APPL2: variants seen among roughly 807,000 people sequenced by gnomAD.
APPL2 encodes DCC-interacting protein 13-beta.
APPL2 carries 84 observed loss-of-function variants against 92.7 expected under a neutral mutation model. That is an observed-to-expected ratio of 0.91 (90% CI 0.76 to 1.09). The LOEUF (loss-of-function observed/expected upper bound fraction) is 1.09. APPL2 is among the 50% of genes least tolerant of loss of function. The pLI is 0.00. For synonymous variants in APPL2, 291 were observed against 291.0 expected, an observed-to-expected ratio of 1.00 and a Z score of 0.00; for missense variants, 736 against 824.5, an observed-to-expected ratio of 0.89 and a Z score of 1.31.
chr12:105,174,210 C>CA lies in APPL2; in HGVS notation c.*103dup, dbSNP rs1221093706. On this transcript the variant is annotated 3_prime_UTR_variant, in exon 21 of 21. Transcript: ENST00000258530. Reference sequence around the variant, plus strand: ...AAGATTACATTCCACAAACGATTGTCAGCCTTCGGAAATCAGGTCAGTGTG... The same window carrying CA: ...AAGATTACATTCCACAAACGATTGTCAAGCCTTCGGAAATCAGGTCAGTGTG... 2 of 1,392,158 alleles carry CA rather than the reference C, an allele frequency of 1.4e-6. No individual in the cohort carries two copies. Among genetic ancestry groups the CA allele is most frequent in the Admixed American group, 4.7e-5 (2 of 42,236 alleles). 86.2% of individuals were successfully genotyped at this position (1,392,158 alleles called of 1,614,324 possible).
intron 5 of APPL2, among the ~76,000 whole-genome samples, chr12:105,209,563 T>C (rs759364001): frequency 1.3e-5 from 2 of 152,180 alleles, no homozygotes; most frequent in Non-Finnish European, 2.9e-5. Flanking sequence ...ACATAGGTCT[T>C]AGGAGATGAT....
At chr12:105,186,803 T>C (rs1886776691) in intron 17 of APPL2, among the ~76,000 whole-genome samples, 1 of 151,108 alleles carries the variant, frequency 6.6e-6, no homozygotes, top group Non-Finnish European at 1.5e-5. Context: ...TGGAGTGACA[T>C]ATCTCATTGT....
Position 105,229,108 on chromosome 12 carries a change from G to A in APPL2, c.153+17C>T, listed in dbSNP as rs927832930. 5 of 1,603,824 alleles carry A rather than the reference G, an allele frequency of 3.1e-6. No individual in the cohort carries two copies. The African/African-American group carries it at 6.7e-5, about 21-fold the overall frequency. ...AATGCCCACTCTGCGGTATCCAGGT[G>A]AGGGGTGGCAGCATACCTGGGCTCC... is the stretch of plus-strand genomic sequence containing the variant. On this transcript the variant is annotated intron_variant, in intron 2 of 20. Transcript: ENST00000258530.
At chr12:105,226,568 C>T (rs562488205) in intron 2 of APPL2, among the ~76,000 whole-genome samples, 32 of 152,284 alleles carry the variant, frequency 2.1e-4, no homozygotes, top group African/African-American at 7.7e-4. Context: ...TGACAGACAC[C>T]GAAAGGCAGA....
At chr12:105,200,237 C>T (rs1888042963) in intron 9 of APPL2, among the ~76,000 whole-genome samples, 1 of 152,214 alleles carries the variant, frequency 6.6e-6, no homozygotes, top group Admixed American at 6.5e-5. Flanking sequence ...TCCAGGGCTG[C>T]TCACACAGGC....
At chr12:105,217,261 A>G (rs1402068487) in intron 3 of APPL2, 121 bp from the exon 4 acceptor site, 3 of 640,198 alleles carry the variant, frequency 4.7e-6, no homozygotes, top group Non-Finnish European at 8.1e-6. Flanking sequence ...AGCACGTCCT[A>G]TCAGAAGTGT....
chr12:105,216,155 G>C (rs1186905636), intron 4 of APPL2, among the ~76,000 whole-genome samples: 1 of 152,044 alleles, frequency 6.6e-6, no homozygotes, highest in Non-Finnish European at 1.5e-5. Flanking sequence ...ATAATACCTG[G>C]TTTCGTTTTT....
chr12:105,179,333 T>C (rs1176241125), intron 17 of APPL2, among the ~76,000 whole-genome samples: 1 of 152,236 alleles, frequency 6.6e-6, no homozygotes, highest in Non-Finnish European at 1.5e-5. Flanking sequence ...TTTTTATGGC[T>C]GCATAGTATT....
At chr12:105,205,398 G>A (rs1393729022) in intron 8 of APPL2, among the ~76,000 whole-genome samples, 1 of 152,194 alleles carries the variant, frequency 6.6e-6, no homozygotes, top group Admixed American at 6.5e-5. Context: ...GTGCTCTGCT[G>A]TTCCCCCAGA....
chr12:105,195,897 A>G (rs540342354), intron 11 of APPL2, among the ~76,000 whole-genome samples: 1 of 152,162 alleles, frequency 6.6e-6, no homozygotes, highest in Non-Finnish European at 1.5e-5. Flanking sequence ...TCTACAAAAA[A>G]TACAAAAATT....
chr12:105,174,986 C>T (rs1455148614), intron 20 of APPL2, among the ~76,000 whole-genome samples: 2 of 151,506 alleles, frequency 1.3e-5, no homozygotes, highest in African/African-American at 2.4e-5. Context: ...CCGGTTCAAA[C>T]GATTCTTGTG....
At chr12:105,185,934 C>T (rs183889133) in intron 17 of APPL2, among the ~76,000 whole-genome samples, 201 of 152,266 alleles carry the variant, frequency 1.3e-3, no homozygotes, top group African/African-American at 4.6e-3. Flanking sequence ...AGCAGTTACT[C>T]ATTCCTCCTC....
At chr12:105,230,129 A>G (rs898049372) in intron 1 of APPL2, among the ~76,000 whole-genome samples, 16 of 152,134 alleles carry the variant, frequency 1.1e-4, no homozygotes, top group African/African-American at 3.9e-4. Flanking sequence ...CTCACGGCCA[A>G]GAAATTTCAC....
chr12:105,209,597 A>T (rs1009930485), intron 5 of APPL2, among the ~76,000 whole-genome samples: 1 of 152,126 alleles, frequency 6.6e-6, no homozygotes, highest in Non-Finnish European at 1.5e-5. Flanking sequence ...ACAGACTTGG[A>T]GTTTGTTTTT....
intron 14 of APPL2, among the ~76,000 whole-genome samples, chr12:105,193,857 G>T (rs1887428794): frequency 6.6e-6 from 1 of 152,148 alleles, no homozygotes; most frequent in African/African-American, 2.4e-5. Flanking sequence ...GTACAGAATA[G>T]TCTTCCCTAA....
intron 17 of APPL2, among the ~76,000 whole-genome samples, chr12:105,187,846 C>A (rs1381900883): frequency 1.3e-5 from 2 of 152,042 alleles, no homozygotes; most frequent in Non-Finnish European, 2.9e-5. Flanking sequence ...AAACCCAGAT[C>A]GTATTACCTG....
chr12:105,180,555 G>C (rs1886013534), intron 17 of APPL2, among the ~76,000 whole-genome samples: 1 of 151,946 alleles, frequency 6.6e-6, no homozygotes, highest in Non-Finnish European at 1.5e-5. Flanking sequence ...ATTACTTTGG[G>C]CAGTATGGCC....
chr12:105,218,836 T>C (rs1889892293), intron 2 of APPL2, among the ~76,000 whole-genome samples: 1 of 152,004 alleles, frequency 6.6e-6, no homozygotes, highest in African/African-American at 2.4e-5. Context: ...GAGGAAACAC[T>C]GCTCTTCAAG....
chr12:105,178,592 C>T (rs1196862), intron 17 of APPL2, among the ~76,000 whole-genome samples: 133,678 of 152,270 alleles, frequency 0.88, 58,970 homozygotes, highest in East Asian at 1. Flanking sequence ...CGTGCAGTTA[C>T]ACTTATTAAA....
Sources: gnomAD v4.1 joint callset for allele counts (sites outside exome capture counted in the v4.1 genomes callset) on GRCh38, gnomAD v4.1.1 for gene constraint, MANE v1.5 for transcripts, NCBI Gene and HGNC (gene_info 2026-07-23, HGNC 2026-07-21) for gene names.